Variants in PTPA observed in about 807,000 individuals in gnomAD.
PTPA encodes the protein protein phosphatase 2 phosphatase activator, also known as serine/threonine-protein phosphatase 2A activator.
Under a neutral mutation model 43.6 loss-of-function variants are expected in PTPA, and 13 were observed. The ratio of observed to expected loss-of-function variants is 0.30; its 90% CI spans 0.19 to 0.47. The LOEUF is 0.47. Among genes scored for constraint, PTPA ranks in the 20% least tolerant of loss-of-function variants. The pLI is 0.99. For synonymous variants in PTPA, 172 were observed against 158.2 expected (o/e 1.09, Z -0.66); for missense variants, 329 against 411.9 (o/e 0.80, Z 1.74).
At chr9:129,130,408 ATC>A (rs1849878673) in intron 4 of PTPA, among the ~76,000 whole-genome samples, 1 of 140,236 alleles carries the variant, frequency 7.1e-6, no homozygotes, top group Admixed American at 7.6e-5. Flanking sequence ...ATGGTACATG[ATC>A]TTTTTTTTTT....
At chr9:129,111,207 A>G, upstream of PTPA, 1 of 1,123,832 alleles carries the variant, frequency 8.9e-7, no homozygotes, top group Non-Finnish European at 1.1e-6. Context: ...GTCCCGGAAA[A>G]ACATGGCTGA....
chr9:129,139,989 T>C (rs1186511947), intron 8 of PTPA: 1 of 151,836 alleles, frequency 6.6e-6, no homozygotes, highest in Admixed American at 6.6e-5. Flanking sequence ...AAATTTGGAG[T>C]TTTGGGAAGG....
At chr9:129,143,034 T>C (rs1851007647) in intron 9 of PTPA, 1 of 894,660 alleles carries the variant, frequency 1.1e-6, no homozygotes. Flanking sequence ...ATTGGCATTT[T>C]TATGGACCGC....
chr9:129,126,408 G>A (rs929697230), intron 3 of PTPA, among the ~76,000 whole-genome samples: 1 of 151,852 alleles, frequency 6.6e-6, no homozygotes, highest in Non-Finnish European at 1.5e-5. Context: ...TCGAACTCCC[G>A]AACTCAGGTG....
At chr9:129,137,323 C>T (rs1369717617) in intron 7 of PTPA, among the ~76,000 whole-genome samples, 2 of 152,186 alleles carry the variant, frequency 1.3e-5, no homozygotes, top group Non-Finnish European at 2.9e-5. Context: ...GTTGTCATGG[C>T]CCCTAGGAGG....
At position 129,129,409 on chromosome 9, in the gene PTPA, T is replaced by G. The variant is rs116352620; in HGVS notation, c.342+299T>G. On this transcript the variant is annotated intron_variant, in intron 4 of 9. Transcript: ENST00000393370. ...TCTGTAGGGGATTATTTAAATAAAT[T>G]AGTCCATCAATATCATGGAGTACTG... 2.2e-3 allele frequency among the ~76,000 whole-genome samples: 332 copies of G among 152,300 alleles called. 1 individual carries two copies. The highest frequency in any genetic ancestry group is 7.6e-3 in the African/African-American group (314 of 41,572).
intron 9 of PTPA, chr9:129,143,723 C>T (rs898268986): frequency 1.2e-5 from 4 of 337,282 alleles, no homozygotes; most frequent in Non-Finnish European, 1.7e-5. Flanking sequence ...CCACATACCT[C>T]TCTAATCTGA....
chr9:129,142,938 C>A, intron 9 of PTPA: 1 of 1,439,064 alleles, frequency 6.9e-7, no homozygotes, highest in Non-Finnish European at 9.1e-7. Context: ...AAGGGTCTTA[C>A]CCTTTGGAGG....
intron 1 of PTPA, among the ~76,000 whole-genome samples, chr9:129,112,546 T>C (rs545923181): frequency 2.0e-5 from 3 of 152,336 alleles, no homozygotes; most frequent in East Asian, 3.9e-4. Flanking sequence ...ATCCCCTCCA[T>C]GCCCCACAAA....
chr9:129,112,953 A>C (rs1368496114), intron 1 of PTPA, among the ~76,000 whole-genome samples: 2 of 151,886 alleles, frequency 1.3e-5, no homozygotes, highest in African/African-American at 2.4e-5. Flanking sequence ...CCCCAAAAAA[A>C]AAACCGGGGT....
At chr9:129,132,084 T>TAG (rs1850015339) in intron 5 of PTPA, among the ~76,000 whole-genome samples, 1 of 152,114 alleles carries the variant, frequency 6.6e-6, no homozygotes, top group Non-Finnish European at 1.5e-5. Flanking sequence ...TTAGCCACAT[T>TAG]CTCTGTGCTA....
intron 8 of PTPA, among the ~76,000 whole-genome samples, chr9:129,140,942 A>G (rs1284675248): frequency 6.6e-6 from 1 of 151,994 alleles, no homozygotes; most frequent in Non-Finnish European, 1.5e-5. Context: ...TTCTGAGTGA[A>G]GCGAGTGGTC....
At chr9:129,111,363 G>A, upstream of PTPA, 1 of 1,196,990 alleles carries the variant, frequency 8.4e-7, no homozygotes, top group Non-Finnish European at 1.0e-6. Flanking sequence ...GCCCGGTTCC[G>A]CGCGTCCGCC....
chr9:129,130,446 T>G (rs1389090641), intron 4 of PTPA, among the ~76,000 whole-genome samples: 1 of 148,492 alleles, frequency 6.7e-6, no homozygotes, highest in Non-Finnish European at 1.5e-5. Context: ...CAGGCTGGAG[T>G]GCAGTGGCAT....
At chr9:129,118,129 C>G (rs1849013211) in intron 1 of PTPA, among the ~76,000 whole-genome samples, 1 of 151,228 alleles carries the variant, frequency 6.6e-6, no homozygotes, top group Non-Finnish European at 1.5e-5. Flanking sequence ...TCTCAGCTCA[C>G]TGTAACCTCT....
chr9:129,122,990 C>T (rs1849347921), intron 2 of PTPA, 62 bp from the exon 3 acceptor site: 1 of 1,305,916 alleles, frequency 7.7e-7, no homozygotes, highest in Non-Finnish European at 1.1e-6. Flanking sequence ...GAGCTCGGGG[C>T]AGGTGGGGCG....
chr9:129,120,677 GC>G lies in PTPA; in HGVS notation c.129+68del, dbSNP rs775991461. The G allele has an allele frequency of 1.3e-5, 19 of 1,422,154 alleles. No individual in the cohort carries two copies. In the South Asian group the frequency reaches 2.2e-4, roughly 17 times the overall value. 88.1% of individuals were successfully genotyped at this position (1,422,154 alleles called of 1,614,324 possible). The stretch of plus-strand genomic sequence containing the variant: ...GACAGTGGTTTTCCTAGCATGACGG[GC>G]GGTGAGTTCCTGGCCCTTCTTGCTC... On this transcript the variant is annotated intron_variant, in intron 2 of 9. Transcript: ENST00000393370.
At chr9:129,119,657 C>T (rs542521857) in intron 1 of PTPA, 1 of 152,382 alleles carries the variant, frequency 6.6e-6, no homozygotes, top group Admixed American at 6.5e-5. Context: ...ATCTGCCTGC[C>T]TTGGCCTCCC....
At chr9:129,134,967 G>C (rs1382156289) in intron 6 of PTPA, 73 bp downstream of exon 6, 1 of 1,337,496 alleles carries the variant, frequency 7.5e-7, no homozygotes, top group Admixed American at 1.7e-5. Flanking sequence ...ACTGGGAAAT[G>C]GGGTGCTCTA....
Sources: gnomAD v4.1 joint callset for allele counts (sites outside exome capture counted in the v4.1 genomes callset) on GRCh38, gnomAD v4.1.1 for gene constraint, MANE v1.5 for transcripts, NCBI Gene and HGNC (gene_info 2026-07-23, HGNC 2026-07-21) for gene names.